The following CALD1 variants were observed in gnomAD, a reference collection of about 807,000 sequenced individuals.
CALD1 encodes caldesmon.
A neutral mutation model predicts 99.9 loss-of-function variants in CALD1; 33 were observed. The ratio of observed to expected loss-of-function variants is 0.33; its 90% CI spans 0.25 to 0.44. The LOEUF (loss-of-function observed/expected upper bound fraction) is 0.44. CALD1 is among the 20% of genes least tolerant of loss of function. The pLI, the probability that CALD1 is intolerant of heterozygous loss-of-function variation, is 1.00. For missense variants in CALD1, 861 were observed against 962.1 expected (o/e 0.89, Z 1.39); for synonymous variants, 310 against 325.0 (o/e 0.95, Z 0.50).
At chr7:134,791,826 T>C (rs9641993) in intron 1 of CALD1, among the ~76,000 whole-genome samples, 12,217 of 152,174 alleles carry the variant, frequency 0.08, 638 homozygotes, top group Non-Finnish European at 0.11. Flanking sequence ...TCCACATGAT[T>C]GGGGAGGCCT....
chr7:134,849,317 T>C (rs754254546), intron 2 of CALD1, among the ~76,000 whole-genome samples: 76 of 152,190 alleles, frequency 5.0e-4, no homozygotes, highest in Non-Finnish European at 8.8e-4. Flanking sequence ...TTCTAACTTT[T>C]GTATAGAATG....
chr7:134,911,016 A>G (rs531385314), intron 3 of CALD1, among the ~76,000 whole-genome samples: 50 of 152,252 alleles, frequency 3.3e-4, no homozygotes, highest in African/African-American at 1.1e-3. Context: ...GCTTCTGACT[A>G]TTGGCAGGAA....
chr7:134,933,333 G>T lies in CALD1; in HGVS notation c.564G>T (p.Lys188Asn). 6.2e-7 allele frequency: 1 copy of T among 1,602,608 alleles called. No homozygotes were observed. Among genetic ancestry groups the T allele is most frequent in the Non-Finnish European group, 8.5e-7 (1 of 1,174,556 alleles). ...RDAEENKKED[K>N]EKEEEEEEKP... is the part of the protein sequence containing the mutation. ...CTGAAGAAAACAAGAAAGAAGACAAGGAAAAGGAGGAGGAGGAAGAGGAGA... is the reference window on the plus strand; with the variant it reads ...CTGAAGAAAACAAGAAAGAAGACAATGAAAAGGAGGAGGAGGAAGAGGAGA... Residue 188 changes from lysine to asparagine, a missense_variant, in exon 5 of 15, where the codon AAG becomes AAT. This residue lies in a region of CALD1 where 234 missense variants were observed against 233.1 expected (regional missense o/e 1.00). Transcript: ENST00000361675.
In CALD1 at chr7:134,928,499, GT is replaced by G. The variant is rs1805233211; in HGVS notation, c.72-251del. 3.3e-5 allele frequency among the ~76,000 whole-genome samples: 5 copies of G among 149,610 alleles called. No homozygotes were observed. The South Asian group carries it at 1.1e-3, about 32-fold the overall frequency. ...AAGGCAACTTGCTTTTGTGCAGAATGTTTTAGTTTAAGTTGTTATTTGGTCA... is the reference window on the plus strand; with the variant it reads ...AAGGCAACTTGCTTTTGTGCAGAATGTTTAGTTTAAGTTGTTATTTGGTCA... On this transcript the variant is annotated intron_variant, in intron 3 of 14. Coordinates refer to ENST00000361675, the MANE Select transcript of CALD1 (RefSeq NM_033138.4).
At chr7:134,725,179 A>G in the CALD1 span, among the ~76,000 whole-genome samples, 3 of 152,162 alleles carry the variant, frequency 2.0e-5, no homozygotes, top group African/African-American at 4.8e-5. Flanking sequence ...CTGAGTACCT[A>G]TGTGGACAGC....
At chr7:134,884,018 C>A (rs1201305385) in intron 3 of CALD1, among the ~76,000 whole-genome samples, 2 of 151,962 alleles carry the variant, frequency 1.3e-5, no homozygotes, top group African/African-American at 4.8e-5. Flanking sequence ...AGGAGAATTG[C>A]TTGAACCTAG....
intron 1 of CALD1, among the ~76,000 whole-genome samples, chr7:134,831,185 C>G (rs1419675756): frequency 6.6e-6 from 1 of 151,492 alleles, no homozygotes; most frequent in Non-Finnish European, 1.5e-5. Context: ...AAATTGAGTG[C>G]ATAACATCAC....
At chr7:134,900,601 C>A (rs1457868379) in intron 3 of CALD1, among the ~76,000 whole-genome samples, 1 of 152,014 alleles carries the variant, frequency 6.6e-6, no homozygotes, top group Non-Finnish European at 1.5e-5. Context: ...AAACTGGGGC[C>A]CGATATGCTG....
chr7:134,838,866 T>C (rs1470611688), intron 1 of CALD1, among the ~76,000 whole-genome samples: 1 of 152,194 alleles, frequency 6.6e-6, no homozygotes, highest in Non-Finnish European at 1.5e-5. Context: ...TTCCCTGGAG[T>C]TGTCATCTTT....
At chr7:134,842,572 A>T (rs1035070468) in intron 1 of CALD1, among the ~76,000 whole-genome samples, 5 of 152,200 alleles carry the variant, frequency 3.3e-5, no homozygotes, top group African/African-American at 1.2e-4. Context: ...TCTTCTTGTT[A>T]GTTATTTACA....
intron 3 of CALD1, among the ~76,000 whole-genome samples, chr7:134,877,413 T>C (rs1199171963): frequency 6.6e-6 from 1 of 152,348 alleles, no homozygotes; most frequent in East Asian, 1.9e-4. Flanking sequence ...CCATTTTCCC[T>C]ACTTGTTTGA....
rs75652466 is a variant in CALD1, at chr7:134,870,971, G to A, written c.71+3167G>A. Among the ~76,000 whole-genome samples the A allele has an allele frequency of 2.5e-3, 386 of 152,232 alleles. 4 individuals are homozygous for A. Among genetic ancestry groups the A allele is most frequent in the Admixed American group, 3.3e-3 (51 of 15,286 alleles). On this transcript the variant is annotated intron_variant, in intron 3 of 14. Coordinates refer to ENST00000361675, the MANE Select transcript of CALD1 (RefSeq NM_033138.4). ...GTGGGAAAGTGCAGGGTGTGTGCAG[G>A]AAACAGGTGGCCAGAAGCTGAAATC... is the stretch of plus-strand genomic sequence containing the variant.
chr7:134,955,948 T>C (rs921299078), intron 9 of CALD1, among the ~76,000 whole-genome samples: 4 of 152,114 alleles, frequency 2.6e-5, no homozygotes, highest in Non-Finnish European at 4.4e-5. Flanking sequence ...GTAATATTTA[T>C]TAAAAGTGCC....
At chr7:134,950,766 G>A (rs1186979745) in intron 9 of CALD1, among the ~76,000 whole-genome samples, 2 of 152,156 alleles carry the variant, frequency 1.3e-5, no homozygotes, top group Non-Finnish European at 2.9e-5. Context: ...GACCAGCCTG[G>A]CCACCGTGGT....
At chr7:134,860,545 T>C (rs893473042) in intron 2 of CALD1, among the ~76,000 whole-genome samples, 1 of 152,210 alleles carries the variant, frequency 6.6e-6, no homozygotes, top group Non-Finnish European at 1.5e-5. Context: ...ATACTCAGAA[T>C]GGTAAAATCT....
intron 2 of CALD1, among the ~76,000 whole-genome samples, chr7:134,860,414 G>A (rs527467800): frequency 6.6e-6 from 1 of 152,318 alleles, no homozygotes; most frequent in Non-Finnish European, 1.5e-5. Context: ...TACTGCAAAT[G>A]TGGGTTTATA....
chr7:134,933,425 G>A lies in CALD1; in HGVS notation c.656G>A (p.Ser219Asn), dbSNP rs775222835. The change falls in exon 5 of 15, where the codon AGC becomes AAC. Residue 219 changes from serine to asparagine, a missense_variant. Physicochemically the swap from Ser to Asn is conservative, Grantham distance 46 (BLOSUM62 1). This residue lies in a region of CALD1 where 234 missense variants were observed against 233.1 expected (regional missense o/e 1.00). Coordinates refer to ENST00000361675, the MANE Select transcript of CALD1 (RefSeq NM_033138.4). Reference protein sequence around the residue: ...EVMVEEKTTESQEETVVMSLK... With the variant: ...EVMVEEKTTENQEETVVMSLK... ...ATGGTGGAAGAGAAAACAACTGAAAGCCAGGAGGAAACAGTGGTAATGTCA... is the reference window on the plus strand; with the variant it reads ...ATGGTGGAAGAGAAAACAACTGAAAACCAGGAGGAAACAGTGGTAATGTCA... 1 of 1,613,640 alleles carries A rather than the reference G, an allele frequency of 6.2e-7. No individual in the cohort carries two copies. The highest frequency in any genetic ancestry group is 8.5e-7 in the Non-Finnish European group (1 of 1,179,804).
At chr7:134,767,230 T>C (rs1045154319) in intron 1 of CALD1, among the ~76,000 whole-genome samples, 4 of 151,532 alleles carry the variant, frequency 2.6e-5, no homozygotes, top group African/African-American at 7.3e-5. Context: ...TGTGTGCGTG[T>C]GTGACATAAA....
rs1045664126 is a variant in CALD1, at chr7:134,758,054, T to C, written c.-130+13691T>C. On this transcript the variant is annotated intron_variant, in intron 1 of 13. Coordinates refer to the CALD1 transcript ENST00000417172. ...TAACCAGCTGAGCACAGGGACTCTGTTCAGTATAGCAAACACAGTTTACGT... is the reference window on the plus strand; with the variant it reads ...TAACCAGCTGAGCACAGGGACTCTGCTCAGTATAGCAAACACAGTTTACGT... Among the ~76,000 whole-genome samples, 5 of 152,290 alleles carry C rather than the reference T, an allele frequency of 3.3e-5. No homozygotes were observed. The South Asian group carries it at 1.0e-3, about 32-fold the overall frequency.
Sources: gnomAD v4.1 joint callset for allele counts (sites outside exome capture counted in the v4.1 genomes callset) on GRCh38, gnomAD v4.1.1 for gene constraint, gnomAD v4.1.1 regional missense constraint, MANE v1.5 for transcripts, NCBI Gene and HGNC (gene_info 2026-07-23, HGNC 2026-07-21) for gene names.